EHBP1: variants seen among roughly 807,000 people sequenced by gnomAD.
EHBP1 encodes the protein EH domain binding protein 1, also known as EH domain-binding protein 1.
A neutral mutation model predicts 144.0 loss-of-function variants in EHBP1; 55 were observed. The ratio of observed to expected loss-of-function variants is 0.38; its 90% CI spans 0.31 to 0.48. The LOEUF is 0.48. EHBP1 is among the 20% of genes least tolerant of loss of function. The probability of loss-of-function intolerance (pLI) is 0.98; values close to 1 mark genes in which losing one functional copy is unlikely to be tolerated. For synonymous variants in EHBP1, 469 were observed against 472.7 expected (o/e 0.99, Z 0.10); for missense variants, 1,200 against 1,364.2 (o/e 0.88, Z 1.90).
At chr2:62,947,270 T>C (rs934067364) in intron 12 of EHBP1, among the ~76,000 whole-genome samples, 7 of 152,224 alleles carry the variant, frequency 4.6e-5, no homozygotes, top group African/African-American at 1.7e-4. Flanking sequence ...CCATAATGTT[T>C]GTTAAACTAC....
At chr2:62,771,483 T>C in intron 5 of EHBP1, 91 bp downstream of exon 5, 1 of 975,344 alleles carries the variant, frequency 1.0e-6, no homozygotes, top group Admixed American at 2.7e-5. Context: ...GTAGGAAAAA[T>C]GTTGCCTTAA....
At chr2:62,782,977 G>A (rs1011987522) in intron 5 of EHBP1, among the ~76,000 whole-genome samples, 1 of 152,156 alleles carries the variant, frequency 6.6e-6, no homozygotes, top group South Asian at 2.1e-4. Context: ...TTAAAAGCAA[G>A]TTAGTTACTT....
At chr2:62,844,596 T>C (rs1362461774) in intron 7 of EHBP1, among the ~76,000 whole-genome samples, 1 of 152,148 alleles carries the variant, frequency 6.6e-6, no homozygotes, top group Non-Finnish European at 1.5e-5. Flanking sequence ...TTTGGCAGTA[T>C]GATCATCTTT....
At chr2:62,840,410 A>G (rs1283095063) in intron 7 of EHBP1, among the ~76,000 whole-genome samples, 1 of 139,984 alleles carries the variant, frequency 7.1e-6, no homozygotes, top group Non-Finnish European at 1.6e-5. Flanking sequence ...AGGCATTACC[A>G]TTCAGGACTT....
intron 14 of EHBP1, among the ~76,000 whole-genome samples, chr2:62,978,420 C>G (rs903398730): frequency 6.6e-6 from 1 of 152,102 alleles, no homozygotes; most frequent in Non-Finnish European, 1.5e-5. Flanking sequence ...CCAGGATGGT[C>G]TCAATCTCTT....
At chr2:62,940,389 G>A (rs1387975988) in intron 10 of EHBP1, 1 of 160,364 alleles carries the variant, frequency 6.2e-6, no homozygotes, top group African/African-American at 2.4e-5. Context: ...TAAGATCAGA[G>A]AGGAAATGGA....
At chr2:62,816,005 A>G (rs1235940641) in intron 5 of EHBP1, among the ~76,000 whole-genome samples, 3 of 152,216 alleles carry the variant, frequency 2.0e-5, no homozygotes, top group East Asian at 1.9e-4. Flanking sequence ...CAGCCTCTAT[A>G]TTACCATTAG....
intron 19 of EHBP1, among the ~76,000 whole-genome samples, chr2:63,025,142 C>T (rs2060919939): frequency 6.6e-6 from 1 of 152,148 alleles, no homozygotes. Context: ...TTAAAATCAT[C>T]CTACAAAATT....
At chr2:62,967,650 A>G (rs1326920929) in intron 14 of EHBP1, among the ~76,000 whole-genome samples, 2 of 152,178 alleles carry the variant, frequency 1.3e-5, no homozygotes, top group Non-Finnish European at 2.9e-5. Flanking sequence ...AAATCTTTCA[A>G]GTACATCTCA....
intron 10 of EHBP1, among the ~76,000 whole-genome samples, chr2:62,929,890 C>T (rs756785173): frequency 2.2e-4 from 34 of 152,030 alleles, no homozygotes; most frequent in Non-Finnish European, 4.1e-4. Flanking sequence ...AAAACCAATC[C>T]GTTGTATTTC....
intron 14 of EHBP1, among the ~76,000 whole-genome samples, chr2:62,969,312 T>C (rs1217218304): frequency 6.6e-6 from 1 of 152,298 alleles, no homozygotes; most frequent in East Asian, 1.9e-4. Context: ...GAAAGCCTCA[T>C]TTAGCAACAT....
Position 63,037,648 on chromosome 2 carries a change from A to C in EHBP1, c.3203+14A>C. On this transcript the variant is annotated intron_variant, in intron 20 of 22. Transcript: ENST00000431489. ...GCTCTCTCTTCTGTAAGTACTCATCATTATGCTTGTTTTGCCTACAACATT... is the reference window on the plus strand; with the variant it reads ...GCTCTCTCTTCTGTAAGTACTCATCCTTATGCTTGTTTTGCCTACAACATT... 9 of 1,468,924 alleles carry C rather than the reference A, an allele frequency of 6.1e-6. No individual in the cohort carries two copies. Among genetic ancestry groups the C allele is most frequent in the Non-Finnish European group, 8.4e-6 (9 of 1,070,906 alleles). 91.0% of individuals were successfully genotyped at this position (1,468,924 alleles called of 1,614,324 possible). A position where few individuals can be genotyped will look rare whatever the true frequency, so the allele number is the denominator to read the frequency against.
intron 14 of EHBP1, among the ~76,000 whole-genome samples, chr2:62,975,668 G>T (rs1352110572): frequency 6.7e-6 from 1 of 149,044 alleles, no homozygotes; most frequent in African/African-American, 2.4e-5. Context: ...AGGATGACTT[G>T]AGCCTAGGAG....
intron 4 of EHBP1, among the ~76,000 whole-genome samples, chr2:62,765,338 G>A (rs146776426): frequency 1.3e-5 from 2 of 152,024 alleles, no homozygotes; most frequent in Non-Finnish European, 2.9e-5. Context: ...CATTATCTGT[G>A]CTTTAAAACG....
In EHBP1 at chr2:62,993,543, A is replaced by G; in HGVS notation, c.2747A>G (p.Asp916Gly). The part of the protein sequence containing the change: ...SEQDMKSGTE[D>G]LRTERLQKTT... ...TTTTACGTTTAGAGTGGCACAGAAG[A>G]TCTCCGGACTGAACGATTACAAAAA... Residue 916 changes from aspartate (D) to glycine (G), a missense_variant, in exon 17 of 23, where the codon GAT becomes GGT. Asp to Gly is a moderately conservative substitution (Grantham distance 94). Around this residue, in one of 6 missense-constraint regions of EHBP1, gnomAD observed 543 missense variants for 513.1 expected, o/e 1.06. Coordinates refer to ENST00000431489, the MANE Select transcript of EHBP1 (RefSeq NM_001142616.3). 6.3e-7 allele frequency: 1 copy of G among 1,586,230 alleles called. No homozygotes were observed.
intron 1 of EHBP1, among the ~76,000 whole-genome samples, chr2:62,696,703 G>A (rs1231377560): frequency 1.3e-5 from 2 of 151,498 alleles, no homozygotes; most frequent in Admixed American, 6.6e-5. Context: ...ATTTTTAGTA[G>A]AGACGGGGTT....
chr2:62,979,259 A>G lies in EHBP1; in HGVS notation c.2532A>G (p.Gly844=). 2 of 1,613,966 alleles carry G rather than the reference A, an allele frequency of 1.2e-6. No individual in the cohort carries two copies. The highest frequency in any genetic ancestry group is 8.5e-7 in the Non-Finnish European group (1 of 1,179,912). ...AGCTAATAGCAGAAGCTCGATCTGGAGTGAAGATGTCAGAACTTCCCAGCT... is the reference window on the plus strand; with the variant it reads ...AGCTAATAGCAGAAGCTCGATCTGGGGTGAAGATGTCAGAACTTCCCAGCT... ...ARQLIAEARS[G]VKMSELPSYG... Residue 844 remains glycine (G), a synonymous_variant, in exon 15 of 23, where the codon GGA becomes GGG. Coordinates refer to ENST00000431489, the MANE Select transcript of EHBP1 (RefSeq NM_001142616.3).
intron 19 of EHBP1, among the ~76,000 whole-genome samples, chr2:63,036,800 G>A (rs2061457113): frequency 6.6e-6 from 1 of 151,868 alleles, no homozygotes; most frequent in Non-Finnish European, 1.5e-5. Context: ...TGAGGAAGTG[G>A]CAGGGTGGTA....
chr2:62,750,761 C>G (rs1220900707), intron 3 of EHBP1, among the ~76,000 whole-genome samples: 1 of 152,108 alleles, frequency 6.6e-6, no homozygotes, highest in Non-Finnish European at 1.5e-5. Context: ...AATGGGAGTT[C>G]CCTCATGATT....
Sources: gnomAD v4.1 joint callset for allele counts (sites outside exome capture counted in the v4.1 genomes callset) on GRCh38, gnomAD v4.1.1 for gene constraint, gnomAD v4.1.1 regional missense constraint, MANE v1.5 for transcripts, NCBI Gene and HGNC (gene_info 2026-07-23, HGNC 2026-07-21) for gene names.